The following VPS13A variants were observed in gnomAD, a reference collection of about 807,000 sequenced individuals.
VPS13A encodes intermembrane lipid transfer protein VPS13A.
A neutral mutation model predicts 390.9 loss-of-function variants in VPS13A; 264 were observed. The ratio of observed to expected loss-of-function variants is 0.68; its 90% CI spans 0.61 to 0.75. The LOEUF is 0.75. Ranked by LOEUF, VPS13A falls within the 30% of genes least tolerant of loss-of-function variation. The probability of loss-of-function intolerance (pLI) is 0.00; values close to 1 mark genes in which losing one functional copy is unlikely to be tolerated. For synonymous variants in VPS13A, 1,231 were observed against 1,227.1 expected, an observed-to-expected ratio of 1.00 and a Z score of -0.07; for missense variants, 3,409 against 3,733.9, an observed-to-expected ratio of 0.91 and a Z score of 2.27.
chr9:77,216,743 G>C (rs1822888483), intron 10 of VPS13A, among the ~76,000 whole-genome samples: 1 of 152,130 alleles, frequency 6.6e-6, no homozygotes, highest in South Asian at 2.1e-4. Flanking sequence ...ATGATCACAA[G>C]GTGAGATCCC....
intron 36 of VPS13A, 34 bp downstream of exon 36, chr9:77,314,153 C>T: frequency 6.2e-7 from 1 of 1,610,052 alleles, no homozygotes; most frequent in Non-Finnish European, 8.5e-7. Context: ...TGTATTTTCA[C>T]ATGTGAAATT....
At chr9:77,325,171 ATCCCT>A (rs966885763) in intron 45 of VPS13A, among the ~76,000 whole-genome samples, 5 of 152,156 alleles carry the variant, frequency 3.3e-5, no homozygotes, top group Non-Finnish European at 7.4e-5. Flanking sequence ...TGCAACCTAG[ATCCCT>A]TGCATGCGCA....
Position 77,368,124 on chromosome 9 carries a change from C to A in VPS13A, c.8541C>A (p.His2847Gln). The A allele has an allele frequency of 6.2e-7, 1 of 1,611,426 alleles. No individual in the cohort carries two copies. Among genetic ancestry groups the A allele is most frequent in the African/African-American group, 1.3e-5 (1 of 74,980 alleles). Residue 2847 changes from histidine to glutamine, a missense_variant, in exon 62 of 72, where the codon CAC (histidine) becomes CAA (glutamine). His to Gln is a conservative substitution (Grantham distance 24, BLOSUM62 0). Around this residue, in one of 5 missense-constraint regions of VPS13A, gnomAD observed 123 missense variants for 118.7 expected, o/e 1.04. Transcript: ENST00000360280. ...ATCTACAGTCTGAAGTCATAAGACACTATTCAAAACAGGTTTGTCTAAGAT... is the reference window on the plus strand; with the variant it reads ...ATCTACAGTCTGAAGTCATAAGACAATATTCAAAACAGGTTTGTCTAAGAT... ...TSDLQSEVIR[H>Q]YSKQAIKQMY...
intron 1 of VPS13A, chr9:77,178,153 G>GC: frequency 3.4e-6 from 1 of 293,290 alleles, no homozygotes; most frequent in South Asian, 3.1e-5. Context: ...CTTTAGCCGC[G>GC]CGGGGCGAGG....
chr9:77,323,530 C>G (rs1829856030), intron 45 of VPS13A, among the ~76,000 whole-genome samples: 1 of 151,832 alleles, frequency 6.6e-6, no homozygotes, highest in African/African-American at 2.4e-5. Context: ...TATATCCTTT[C>G]TATTTGATTA....
chr9:77,242,423 A>C (rs1235674114), intron 19 of VPS13A, among the ~76,000 whole-genome samples: 2 of 152,022 alleles, frequency 1.3e-5, no homozygotes, highest in Non-Finnish European at 2.9e-5. Flanking sequence ...ATATTCTTCA[A>C]AATATATGTG....
intron 67 of VPS13A, among the ~76,000 whole-genome samples, chr9:77,374,294 G>A (rs1412472071): frequency 6.6e-6 from 1 of 152,124 alleles, no homozygotes; most frequent in Non-Finnish European, 1.5e-5. Context: ...ATTAGGCTCA[G>A]TAAGATATTA....
intron 71 of VPS13A, among the ~76,000 whole-genome samples, chr9:77,413,084 T>A (rs887062240): frequency 2.0e-5 from 3 of 151,966 alleles, no homozygotes; most frequent in Non-Finnish European, 4.4e-5. Context: ...CACTGCTCAG[T>A]GAAATAAAAG....
intron 17 of VPS13A, among the ~76,000 whole-genome samples, chr9:77,235,078 A>G (rs1049270890): frequency 6.6e-6 from 1 of 152,326 alleles, no homozygotes; most frequent in African/African-American, 2.4e-5. Flanking sequence ...AGAGGAGTTA[A>G]AAACCAAAAA....
rs1403323403 is a variant in VPS13A, at chr9:77,404,074, TATTTTA to T, written c.9275+759_9275+764del. Among the ~76,000 whole-genome samples, 4 of 152,206 alleles carry T rather than the reference TATTTTA, an allele frequency of 2.6e-5. No individual in the cohort carries two copies. In the East Asian group the frequency reaches 7.7e-4, roughly 29 times the overall value. On this transcript the variant is annotated intron_variant, in intron 69 of 71. Transcript: ENST00000360280. The stretch of plus-strand genomic sequence containing the variant: ...TTTCTGAATCTAAAATGTATAGCCC[TATTTTA>T]ATTTTCTTATTTAAAAAGTAACACC...
rs541449699 is a variant in VPS13A, at chr9:77,370,733, C to G, written c.8907+155C>G. ...GGTAGCATATAAAACATGTCAGTAG[C>G]CTCTAAAACATTCTGTTTAAATAAA... On this transcript the variant is annotated intron_variant, in intron 65 of 71. Transcript: ENST00000360280. 33 of 738,546 alleles carry G rather than the reference C, an allele frequency of 4.5e-5. 1 individual carries two copies. The South Asian group carries it at 2.1e-3, about 46-fold the overall frequency. The allele number at this position is 738,546 out of a possible 1,614,324, so 45.7% of individuals were successfully genotyped here. A position where few individuals can be genotyped will look rare whatever the true frequency, so the allele number is the denominator to read the frequency against.
At position 77,308,125 on chromosome 9, in the gene VPS13A, C is replaced by G. The variant is rs769715243; in HGVS notation, c.4114+27C>G. The G allele has an allele frequency of 7.4e-6, 12 of 1,611,622 alleles. No individual in the cohort carries two copies. The East Asian group carries it at 2.7e-4, about 36-fold the overall frequency. ...TATGTTTTTAACTTCAAATTTCTTT[C>G]TGCTTTCCTCTTTCTCTCTTTTTTC... On this transcript the variant is annotated intron_variant, in intron 35 of 71. Coordinates refer to ENST00000360280, the MANE Select transcript of VPS13A (RefSeq NM_033305.3).
intron 34 of VPS13A, among the ~76,000 whole-genome samples, chr9:77,303,865 C>CA (rs1195844471): frequency 6.6e-6 from 1 of 152,166 alleles, no homozygotes; most frequent in Non-Finnish European, 1.5e-5. Context: ...TCTCCTATCT[C>CA]AGAATTGAAC....
chr9:77,312,145 G>A (rs1829109005), intron 35 of VPS13A, among the ~76,000 whole-genome samples: 1 of 151,952 alleles, frequency 6.6e-6, no homozygotes, highest in African/African-American at 2.4e-5. Context: ...AAAGAAGACA[G>A]TAATAAAAAT....
At chr9:77,404,665 G>C (rs1293906976) in intron 69 of VPS13A, among the ~76,000 whole-genome samples, 1 of 152,174 alleles carries the variant, frequency 6.6e-6, no homozygotes, top group African/African-American at 2.4e-5. Context: ...CTTTAGATGA[G>C]GCCATGGTGC....
intron 1 of VPS13A, chr9:77,178,104 C>T (rs1005622743): frequency 2.0e-5 from 7 of 354,930 alleles, no homozygotes; most frequent in African/African-American, 1.5e-4. Context: ...CAAGTCCCGG[C>T]GAGGGGCCGT....
chr9:77,308,476 G>C (rs961489901), intron 35 of VPS13A, among the ~76,000 whole-genome samples: 1 of 151,894 alleles, frequency 6.6e-6, no homozygotes, highest in African/African-American at 2.4e-5. Flanking sequence ...CCCTAGTGTG[G>C]CATATATCCC....
intron 52 of VPS13A, among the ~76,000 whole-genome samples, chr9:77,347,641 T>C (rs1748408672): frequency 6.6e-6 from 1 of 152,178 alleles, no homozygotes; most frequent in Admixed American, 6.5e-5. Context: ...CATGCCTAAC[T>C]ACATTTGAGT....
intron 19 of VPS13A, among the ~76,000 whole-genome samples, chr9:77,242,570 A>G (rs2131246451): frequency 6.6e-6 from 1 of 152,122 alleles, no homozygotes; most frequent in East Asian, 1.9e-4. Context: ...AAATCTGGGA[A>G]TTCCATTCCT....
Sources: gnomAD v4.1 joint callset for allele counts (sites outside exome capture counted in the v4.1 genomes callset) on GRCh38, gnomAD v4.1.1 for gene constraint, gnomAD v4.1.1 regional missense constraint, MANE v1.5 for transcripts, NCBI Gene and HGNC (gene_info 2026-07-23, HGNC 2026-07-21) for gene names.